The following ANKS1A variants were observed in gnomAD, a reference collection of about 807,000 sequenced individuals.
ANKS1A encodes ankyrin repeat and SAM domain-containing protein 1A.
ANKS1A carries 55 observed loss-of-function variants against 120.3 expected under a neutral mutation model. The ratio of observed to expected loss-of-function variants is 0.46; its 90% CI spans 0.37 to 0.57. ANKS1A has a LOEUF of 0.57. Ranked by LOEUF, ANKS1A falls within the 20% of genes least tolerant of loss-of-function variation. The pLI is 0.00. For missense variants in ANKS1A, 1,123 were observed against 1,480.3 expected (o/e 0.76, Z 3.96); for synonymous variants, 590 against 604.7 (o/e 0.98, Z 0.36).
intron 3 of ANKS1A, 147 bp downstream of exon 3, chr6:34,970,313 C>T (rs1478865205): frequency 1.1e-6 from 1 of 870,340 alleles, no homozygotes; most frequent in African/African-American, 1.7e-5. Context: ...AGCATGGAAC[C>T]ACCTCTTCCA....
At chr6:34,904,534 C>T (rs1767540104) in intron 1 of ANKS1A, among the ~76,000 whole-genome samples, 1 of 152,014 alleles carries the variant, frequency 6.6e-6, no homozygotes, top group South Asian at 2.1e-4. Flanking sequence ...GAGATTGAGA[C>T]CATCCTGGCT....
intron 11 of ANKS1A, among the ~76,000 whole-genome samples, chr6:35,043,914 T>C (rs921384583): frequency 6.6e-6 from 1 of 152,104 alleles, no homozygotes; most frequent in Non-Finnish European, 1.5e-5. Flanking sequence ...TCTTTTGGAA[T>C]TTTTTACAAC....
At chr6:34,994,514 A>C in intron 10 of ANKS1A, 92 bp downstream of exon 10, 1 of 1,527,916 alleles carries the variant, frequency 6.5e-7, no homozygotes, top group Non-Finnish European at 8.9e-7. Flanking sequence ...CGTAACTATG[A>C]TATTCCTTGG....
chr6:35,072,272 G>A (rs1041487223), intron 13 of ANKS1A, among the ~76,000 whole-genome samples: 5 of 152,192 alleles, frequency 3.3e-5, no homozygotes, highest in Admixed American at 6.5e-5. Context: ...GGGCCGACCC[G>A]GGCCGACCCT....
Position 35,079,703 on chromosome 6 carries a change from C to G in ANKS1A, c.2436+35C>G, listed in dbSNP as rs199771314. The G allele has an allele frequency of 4.3e-6, 7 of 1,613,820 alleles. No individual in the cohort carries two copies. In the East Asian group the frequency reaches 1.6e-4, roughly 36 times the overall value. On this transcript the variant is annotated intron_variant, in intron 15 of 23. Transcript: ENST00000360359. ...CCCTGCGTGGCCCGGCCTGGACTCTCCAGAAGTCTGAGCTTCCCTTAGGGG... is the reference window on the plus strand; with the variant it reads ...CCCTGCGTGGCCCGGCCTGGACTCTGCAGAAGTCTGAGCTTCCCTTAGGGG...
intron 1 of ANKS1A, among the ~76,000 whole-genome samples, chr6:34,964,639 G>T (rs1770807402): frequency 6.6e-6 from 1 of 152,144 alleles, no homozygotes; most frequent in Non-Finnish European, 1.5e-5. Context: ...TTTACTGCTT[G>T]CCTATGGATA....
In ANKS1A at chr6:35,086,070, G is replaced by T. The variant is rs1464862971; in HGVS notation, c.3303+134G>T. On this transcript the variant is annotated intron_variant, in intron 22 of 23. Transcript: ENST00000360359. The surrounding 1 kb of genome is among the most constrained non-coding windows in gnomAD (Gnocchi z 5.1). ...CTCCAGGGAAATGACCCTCTTAATT[G>T]TCCCCCAACCCTGCCAGGTCTCGCC... is the stretch of plus-strand genomic sequence containing the variant. The T allele has an allele frequency of 7.5e-7, 1 of 1,334,152 alleles. No homozygotes were observed. The highest frequency in any genetic ancestry group is 1.0e-6 in the Non-Finnish European group (1 of 1,004,452). The allele number at this position is 1,334,152 out of a possible 1,614,324, so 82.6% of individuals were successfully genotyped here. A position where few individuals can be genotyped will look rare whatever the true frequency, so the allele number is the denominator to read the frequency against.
Position 35,085,922 on chromosome 6 carries a change from G to A in ANKS1A, c.3289G>A (p.Val1097Met), listed in dbSNP as rs147248163. The change falls in exon 22 of 24, where the codon GTG becomes ATG. Residue 1097 changes from valine (V) to methionine (M), a missense_variant. Physicochemically the swap from Val to Met is conservative, Grantham distance 21. Transcript: ENST00000360359. This position sits in a 1 kb window ranked among gnomAD's most constrained non-coding sequence, Gnocchi z 4.7. ...ACCGGTGCCTAAGCCTCGGGTCGGC[G>A]TGAGGAAATCCGCAGTACGTGGGCC... Reference protein sequence around the residue: ...SKPVPKPRVGVRKSALEPPDM... With the variant: ...SKPVPKPRVGMRKSALEPPDM... 2.1e-4 allele frequency: 335 copies of A among 1,607,728 alleles called. No homozygotes were observed. Among genetic ancestry groups the A allele is most frequent in the Admixed American group, 2.7e-4 (16 of 59,444 alleles).
chr6:34,968,531 G>A (rs578045141), intron 2 of ANKS1A, among the ~76,000 whole-genome samples: 38 of 150,488 alleles, frequency 2.5e-4, no homozygotes, highest in East Asian at 8.1e-4. Flanking sequence ...TCCACCTCCC[G>A]GGTTCAAGCA....
At chr6:35,054,505 T>G (rs1264711731) in intron 12 of ANKS1A, among the ~76,000 whole-genome samples, 4 of 152,242 alleles carry the variant, frequency 2.6e-5, no homozygotes, top group Non-Finnish European at 5.9e-5. Context: ...AGCGTTGGTC[T>G]CTGCAGCTTC....
At chr6:34,985,353 AG>A (rs1221297218) in intron 8 of ANKS1A, 75 bp downstream of exon 8, 1 of 1,459,072 alleles carries the variant, frequency 6.9e-7, no homozygotes, top group East Asian at 2.3e-5. Flanking sequence ...GGCACGGGGA[AG>A]GGAAGTGTGA....
At chr6:35,041,728 G>A (rs1173392460) in intron 11 of ANKS1A, among the ~76,000 whole-genome samples, 1 of 152,154 alleles carries the variant, frequency 6.6e-6, no homozygotes, top group Non-Finnish European at 1.5e-5. Flanking sequence ...CACACTACCA[G>A]CCCAACAAGA....
At chr6:34,908,967 C>T (rs769833667) in intron 1 of ANKS1A, among the ~76,000 whole-genome samples, 1 of 152,006 alleles carries the variant, frequency 6.6e-6, no homozygotes, top group Non-Finnish European at 1.5e-5. Context: ...TACAGTTAAG[C>T]ACTTGGATAT....
chr6:34,932,803 A>G (rs1386393969), intron 1 of ANKS1A, among the ~76,000 whole-genome samples: 1 of 152,212 alleles, frequency 6.6e-6, no homozygotes, highest in African/African-American at 2.4e-5. Context: ...GAATGATGCT[A>G]CTTTGAACAT....
chr6:35,086,817 T>C lies in ANKS1A; in HGVS notation c.3304-135T>C. The C allele has an allele frequency of 1.1e-6, 1 of 888,544 alleles. No homozygotes were observed. Among genetic ancestry groups the C allele is most frequent in the South Asian group, 1.4e-5 (1 of 69,474 alleles). 55.0% of individuals were successfully genotyped at this position (888,544 alleles called of 1,614,324 possible). ...CCTCCGCCTGCCCCCAGGGGCCTGC[T>C]CTTTGGCCGAGGAGAATAAGGGCTG... On this transcript the variant is annotated intron_variant, in intron 22 of 23. Transcript: ENST00000360359. This position sits in a 1 kb window ranked among gnomAD's most constrained non-coding sequence, Gnocchi z 5.1.
intron 10 of ANKS1A, among the ~76,000 whole-genome samples, chr6:35,009,576 G>A (rs1773632463): frequency 6.6e-6 from 1 of 152,040 alleles, no homozygotes; most frequent in Admixed American, 6.6e-5. Context: ...TACAGATTTA[G>A]GAGTCATCCA....
At position 35,089,026 on chromosome 6, in the gene ANKS1A, T is replaced by C; in HGVS notation, c.*417T>C. 1 of 1,122,196 alleles carries C rather than the reference T, an allele frequency of 8.9e-7. No individual in the cohort carries two copies. The highest frequency in any genetic ancestry group is 1.1e-6 in the Non-Finnish European group (1 of 910,156). 69.5% of individuals were successfully genotyped at this position (1,122,196 alleles called of 1,614,324 possible). On this transcript the variant is annotated 3_prime_UTR_variant, in exon 24 of 24. Transcript: ENST00000360359. The stretch of plus-strand genomic sequence containing the variant: ...TTCAGAGGCCAGCCTGCATAGCCTC[T>C]GTCCTCAGGACGGAACTTGGGTGCA...
chr6:34,893,571 A>G (rs140321405), intron 1 of ANKS1A, among the ~76,000 whole-genome samples: 1 of 152,378 alleles, frequency 6.6e-6, no homozygotes, highest in East Asian at 1.9e-4. Flanking sequence ...TGCCAGGCCA[A>G]GTGATTGCTA....
intron 1 of ANKS1A, among the ~76,000 whole-genome samples, chr6:34,951,164 C>G (rs1397090705): frequency 6.6e-6 from 1 of 152,174 alleles, no homozygotes; most frequent in Admixed American, 6.5e-5. Context: ...ACACTAGACA[C>G]TGGTCTCAGT....
Sources: gnomAD v4.1 joint callset for allele counts (sites outside exome capture counted in the v4.1 genomes callset) on GRCh38, gnomAD v4.1.1 for gene constraint, Gnocchi (gnomAD v3.1) non-coding constraint, MANE v1.5 for transcripts, NCBI Gene and HGNC (gene_info 2026-07-23, HGNC 2026-07-21) for gene names.